The following ADGRG2 variants were observed in gnomAD, a reference collection of about 807,000 sequenced individuals.
ADGRG2 encodes adhesion G protein-coupled receptor G2.
ADGRG2 carries 26 observed loss-of-function variants against 74.1 expected under a neutral mutation model. The observed-to-expected ratio is 0.35, with a 90% CI of 0.26 to 0.49. The LOEUF is 0.49. Among genes scored for constraint, ADGRG2 ranks in the 20% least tolerant of loss-of-function variants. ADGRG2 has a pLI of 0.99. For missense variants in ADGRG2, 619 were observed against 763.1 expected, an observed-to-expected ratio of 0.81 and a Z score of 2.22; for synonymous variants, 296 against 295.2, an observed-to-expected ratio of 1.00 and a Z score of -0.03.
intron 1 of ADGRG2, among the ~76,000 whole-genome samples, chrX:19,119,263 T>C (rs763137322): frequency 1.8e-5 from 2 of 112,588 alleles, no homozygotes; most frequent in South Asian, 7.3e-4. Flanking sequence ...GGACAGTGTT[T>C]ACCACAATTT....
rs1414954682 is a variant in ADGRG2, at chrX:18,993,404, C to T, written c.2869+1492G>A. Among the ~76,000 whole-genome samples, 3 of 110,096 alleles carry T rather than the reference C, an allele frequency of 2.7e-5. No individual in the cohort carries two copies. The Admixed American group carries it at 2.9e-4, about 11-fold the overall frequency. On this transcript the variant is annotated intron_variant, in intron 28 of 28. Coordinates refer to ENST00000379869, the MANE Select transcript of ADGRG2 (RefSeq NM_001079858.3). ...TGGTATTTTAAAAGCCTAGACAGGC[C>T]GGGCACAGTGGCTCACACCTGTAAT...
chrX:19,078,706 A>T (rs1468144535), intron 2 of ADGRG2, among the ~76,000 whole-genome samples: 1 of 111,272 alleles, frequency 9.0e-6, no homozygotes, highest in Admixed American at 9.6e-5. Flanking sequence ...CTTAAAATTA[A>T]TGAATTAAGG....
At chrX:19,118,651 G>A (rs1432611738) in intron 1 of ADGRG2, among the ~76,000 whole-genome samples, 1 of 112,188 alleles carries the variant, frequency 8.9e-6, no homozygotes, top group Non-Finnish European at 1.9e-5. Flanking sequence ...AGCCTCCTGA[G>A]TAGCTGGGAA....
chrX:19,049,943 G>A (rs2061285429), intron 3 of ADGRG2, among the ~76,000 whole-genome samples: 1 of 111,913 alleles, frequency 8.9e-6, no homozygotes, highest in Non-Finnish European at 1.9e-5. Flanking sequence ...GGTGGCAGGG[G>A]TGCGTGCACC....
chrX:19,041,957 G>A (rs78005510), intron 3 of ADGRG2, among the ~76,000 whole-genome samples: 2 of 110,617 alleles, frequency 1.8e-5, no homozygotes, highest in Non-Finnish European at 3.8e-5. Context: ...CCATAGGTAC[G>A]CACCACCACA....
intron 3 of ADGRG2, among the ~76,000 whole-genome samples, chrX:19,057,664 A>C (rs973266850): frequency 9.1e-6 from 1 of 109,681 alleles, no homozygotes; most frequent in African/African-American, 3.3e-5. Context: ...ACATGAAGAG[A>C]CTTCATCGCT....
At chrX:19,040,160 T>C in intron 4 of ADGRG2, 29 bp downstream of exon 4, 1 of 1,003,862 alleles carries the variant, frequency 1.0e-6, no homozygotes, top group Non-Finnish European at 1.4e-6. Context: ...TTTCCTGAAA[T>C]TCCCCAGAGT....
intron 24 of ADGRG2, among the ~76,000 whole-genome samples, chrX:19,001,312 C>G (rs2060128620): frequency 9.0e-6 from 1 of 110,781 alleles, no homozygotes; most frequent in Admixed American, 9.7e-5. Flanking sequence ...CACCACTGCA[C>G]ACCATCACCC....
intron 1 of ADGRG2, among the ~76,000 whole-genome samples, chrX:19,083,658 C>T (rs910892510): frequency 4.5e-5 from 5 of 111,661 alleles, no homozygotes; most frequent in African/African-American, 1.3e-4. Flanking sequence ...CTCAGATGCA[C>T]GCTGGGGAAA....
chrX:19,059,509 G>A (rs746753757), intron 3 of ADGRG2, among the ~76,000 whole-genome samples: 3 of 111,366 alleles, frequency 2.7e-5, no homozygotes, highest in Non-Finnish European at 3.8e-5. Flanking sequence ...AAGGTGCTTC[G>A]TCAACCGCAA....
chrX:19,052,443 T>G (rs2061339311), intron 3 of ADGRG2, among the ~76,000 whole-genome samples: 1 of 111,245 alleles, frequency 9.0e-6, no homozygotes, highest in South Asian at 3.8e-4. Context: ...ATGAGCCAGA[T>G]GATCAAGTAA....
chrX:19,080,973 A>C (rs897680719), intron 2 of ADGRG2, among the ~76,000 whole-genome samples: 2 of 110,332 alleles, frequency 1.8e-5, no homozygotes, highest in African/African-American at 6.6e-5. Context: ...TTGAAGTTCT[A>C]TTACAAGCAA....
intron 4 of ADGRG2, among the ~76,000 whole-genome samples, chrX:19,038,690 C>G (rs1193525817): frequency 2.7e-5 from 3 of 111,689 alleles, no homozygotes; most frequent in African/African-American, 9.8e-5. Flanking sequence ...GCTGCCCATC[C>G]ATCCCTTGAT....
chrX:19,010,294 T>C (rs1279998599), intron 17 of ADGRG2, among the ~76,000 whole-genome samples: 1 of 106,639 alleles, frequency 9.4e-6, no homozygotes, highest in African/African-American at 3.4e-5. Flanking sequence ...CTAATCTTTG[T>C]ATTTTTAGTA....
At chrX:19,003,196 G>T in intron 23 of ADGRG2, 82 bp from the exon 24 acceptor site, 3 of 725,504 alleles carry the variant, frequency 4.1e-6, no homozygotes, top group Non-Finnish European at 6.3e-6. Flanking sequence ...ATAAGGTCTG[G>T]CTCTGTCACC....
chrX:19,105,731 A>G, intron 1 of ADGRG2, among the ~76,000 whole-genome samples: 1 of 110,090 alleles, frequency 9.1e-6, no homozygotes, highest in Middle Eastern at 4.7e-3. Context: ...AGTATAATAA[A>G]AAAAATTTTT....
At chrX:19,066,381 G>A (rs1343070301) in intron 3 of ADGRG2, among the ~76,000 whole-genome samples, 1 of 101,754 alleles carries the variant, frequency 9.8e-6, no homozygotes, top group Non-Finnish European at 2.0e-5. Flanking sequence ...AAGTTATTTC[G>A]TTGTGTGTCC....
chrX:19,108,862 T>G (rs993830076), intron 1 of ADGRG2, among the ~76,000 whole-genome samples: 1 of 111,350 alleles, frequency 9.0e-6, no homozygotes. Flanking sequence ...GAGCTGTACA[T>G]TTGTAATGTG....
At chrX:19,072,562 A>G (rs2061672044) in intron 2 of ADGRG2, among the ~76,000 whole-genome samples, 1 of 112,098 alleles carries the variant, frequency 8.9e-6, no homozygotes. Context: ...GTACATACAC[A>G]GTGAGTGACT....
Sources: gnomAD v4.1 joint callset for allele counts (sites outside exome capture counted in the v4.1 genomes callset) on GRCh38, gnomAD v4.1.1 for gene constraint, MANE v1.5 for transcripts, NCBI Gene and HGNC (gene_info 2026-07-23, HGNC 2026-07-21) for gene names.